CIT: variants seen among roughly 807,000 people sequenced by gnomAD.
CIT encodes the protein citron rho-interacting serine/threonine kinase, also known as citron Rho-interacting kinase.
Under a neutral mutation model 272.7 loss-of-function variants are expected in CIT, and 79 were observed. The ratio of observed to expected loss-of-function variants is 0.29; its 90% CI spans 0.24 to 0.35. The LOEUF (loss-of-function observed/expected upper bound fraction) is 0.35, where lower values mean the gene tolerates loss of function less well. Ranked by LOEUF, CIT falls within the 10% of genes least tolerant of loss-of-function variation. The probability of loss-of-function intolerance (pLI) is 1.00; values close to 1 mark genes in which losing one functional copy is unlikely to be tolerated. For missense variants in CIT, 1,909 were observed against 2,618.3 expected (o/e 0.73, Z 5.91); for synonymous variants, 948 against 995.6 (o/e 0.95, Z 0.90).
chr12:119,784,662 GGTGA>G lies in CIT; in HGVS notation c.1401+294_1401+297del. On this transcript the variant is annotated intron_variant, in intron 11 of 47. Transcript: ENST00000392521. The surrounding 1 kb of genome is among the most constrained non-coding windows in gnomAD (Gnocchi z 4.7). ...GCAGATGGGATGTATCTCAGCCACA[GGTGA>G]GGACCCAGGCCACCTGCCGGAAGAA... 7.8e-7 allele frequency: 1 copy of G among 1,279,036 alleles called. No individual in the cohort carries two copies. The highest frequency in any genetic ancestry group is 9.9e-7 in the Non-Finnish European group (1 of 1,009,074). 79.2% of individuals were successfully genotyped at this position (1,279,036 alleles called of 1,614,324 possible).
chr12:119,700,181 A>G (rs1211772405), intron 44 of CIT, among the ~76,000 whole-genome samples: 2 of 152,320 alleles, frequency 1.3e-5, no homozygotes, highest in East Asian at 3.9e-4. Flanking sequence ...GCTCCTTTCT[A>G]TCATGAGAGC....
intron 39 of CIT, among the ~76,000 whole-genome samples, chr12:119,708,780 G>T (rs944525368): frequency 6.6e-6 from 1 of 152,156 alleles, no homozygotes; most frequent in Non-Finnish European, 1.5e-5. Context: ...GAGCCACCAC[G>T]CCCGGCCCAA....
At chr12:119,876,875 C>A (rs144539262) in intron 1 of CIT, among the ~76,000 whole-genome samples, 1 of 152,082 alleles carries the variant, frequency 6.6e-6, no homozygotes, top group East Asian at 1.9e-4. Context: ...GGTATGAATA[C>A]GCTGAAACAG....
rs375400787 is a variant in CIT, at chr12:119,688,292, G to A, written c.6187-37C>T. The A allele has an allele frequency of 7.5e-6, 12 of 1,603,962 alleles. No homozygotes were observed. The African/African-American group carries it at 1.5e-4, about 20-fold the overall frequency. The stretch of plus-strand genomic sequence containing the variant: ...ATAAGGAGGAGTGTTAGCCATCCGA[G>A]GCCAGAAGTTGCTGTGCTCACCTTG... On this transcript the variant is annotated intron_variant, in intron 47 of 47. Transcript: ENST00000392521.
intron 21 of CIT, among the ~76,000 whole-genome samples, chr12:119,758,219 T>G (rs1593621537): frequency 6.6e-6 from 1 of 152,150 alleles, no homozygotes; most frequent in East Asian, 1.9e-4. Flanking sequence ...TTCCATAGGG[T>G]CTAACCTAGT....
Position 119,708,163 on chromosome 12 carries a change from T to G in CIT, c.5211+16A>C. ...TCCAGAACATTCCACCAGCTAGGAC[T>G]CTGAGGGGAGCTTACCTTGCCTGCC... On this transcript the variant is annotated intron_variant, in intron 40 of 47. Coordinates refer to ENST00000392521, the MANE Select transcript of CIT (RefSeq NM_001206999.2). 1 of 1,541,352 alleles carries G rather than the reference T, an allele frequency of 6.5e-7. No individual in the cohort carries two copies. The highest frequency in any genetic ancestry group is 8.8e-7 in the Non-Finnish European group (1 of 1,142,540).
At chr12:119,863,782 G>T (rs13313223) in intron 3 of CIT, among the ~76,000 whole-genome samples, 3 of 151,060 alleles carry the variant, frequency 2.0e-5, no homozygotes, top group Middle Eastern at 3.4e-3. Context: ...CACCTGCCTC[G>T]GCCTCCCAAA....
Position 119,770,765 on chromosome 12 carries a change from C to A in CIT, c.2208+20G>T, listed in dbSNP as rs747806220. ...TCTAACCTGTTATCTTTTAACTTTG[C>A]GACTTTCATTCCTGCTCACCAGAAT... On this transcript the variant is annotated intron_variant, in intron 18 of 47. Transcript: ENST00000392521. This position sits in a 1 kb window ranked among gnomAD's most constrained non-coding sequence, Gnocchi z 4.4. 2.5e-6 allele frequency: 4 copies of A among 1,612,504 alleles called. No individual in the cohort carries two copies. The highest frequency in any genetic ancestry group is 3.3e-5 in the Admixed American group (2 of 59,994).
rs147639126 is a variant in CIT, at chr12:119,749,357, T to C, written c.2904+2693A>G. Among the ~76,000 whole-genome samples the C allele has an allele frequency of 1.8e-3, 280 of 152,322 alleles. 1 individual carries two copies. Among genetic ancestry groups the C allele is most frequent in the African/African-American group, 6.5e-3 (272 of 41,564 alleles). On this transcript the variant is annotated intron_variant, in intron 23 of 47. Transcript: ENST00000392521. ...TCATTTGACTGATGCTTGTGCAGGG[T>C]CTCCACTCAGGTCTCAAACAATGAG...
rs1955611076 is a variant in CIT at position 119,686,908 on chromosome 12, T to A, written c.*1324A>T. ...GCGGCTGCTTTCTCAAACTTCCTGG[T>A]CTTAGGTCTAGCCCTAGGGAAAGGC... On this transcript the variant is annotated 3_prime_UTR_variant, in exon 48 of 48. Transcript: ENST00000392521. 3 of 152,832 alleles carry A rather than the reference T, an allele frequency of 2.0e-5. No individual in the cohort carries two copies. The South Asian group carries it at 6.2e-4, about 32-fold the overall frequency. 9.5% of individuals were successfully genotyped at this position (152,832 alleles called of 1,614,324 possible). A position where few individuals can be genotyped will look rare whatever the true frequency, so the allele number is the denominator to read the frequency against.
intron 3 of CIT, among the ~76,000 whole-genome samples, chr12:119,865,983 T>C (rs1386797624): frequency 6.6e-6 from 1 of 151,950 alleles, no homozygotes; most frequent in Admixed American, 6.6e-5. Context: ...ATTTTTTTTC[T>C]ACCCAGCATC....
rs1950841342 is a variant in CIT at position 119,876,243 on chromosome 12, TC to T, written c.-13-63del. ...TTTTGAGCAGGAAGGGCCTGAGAGATCCTGATCTCCCTCAAGATATCAGGGA... is the reference window on the plus strand; with the variant it reads ...TTTTGAGCAGGAAGGGCCTGAGAGATCTGATCTCCCTCAAGATATCAGGGA... On this transcript the variant is annotated intron_variant, in intron 1 of 47. Coordinates refer to ENST00000392521, the MANE Select transcript of CIT (RefSeq NM_001206999.2). 1.5e-5 allele frequency: 15 copies of T among 1,012,526 alleles called. 1 individual carries two copies. The South Asian group carries it at 2.1e-4, about 14-fold the overall frequency. The allele number at this position is 1,012,526 out of a possible 1,614,324, so 62.7% of individuals were successfully genotyped here. A position where few individuals can be genotyped will look rare whatever the true frequency, so the allele number is the denominator to read the frequency against.
intron 32 of CIT, among the ~76,000 whole-genome samples, chr12:119,717,419 CTTTTTTTT>C (rs60611060): frequency 1.8e-5 from 1 of 54,232 alleles, no homozygotes; most frequent in Non-Finnish European, 4.1e-5. Context: ...CTTTTCTTTT[CTTTTTTTT>C]TTTTTTTTTT....
At chr12:119,877,027 C>T (rs1231266077) in intron 1 of CIT, among the ~76,000 whole-genome samples, 1 of 152,222 alleles carries the variant, frequency 6.6e-6, no homozygotes, top group African/African-American at 2.4e-5. Context: ...GAGCAAGCCT[C>T]CTGCCCCAGC....
intron 4 of CIT, among the ~76,000 whole-genome samples, chr12:119,854,211 AG>A (rs1181664196): frequency 6.6e-6 from 1 of 151,694 alleles, no homozygotes; most frequent in Non-Finnish European, 1.5e-5. Context: ...TATTTTTAGT[AG>A]AGACAGGGTT....
Position 119,784,330 on chromosome 12 carries a change from C to T in CIT, c.1402-279G>A. ...CAAGGAAGCCACAATCATCATTTTT[C>T]ACCTGTTTGCTTTTGTTTTTGTTTT... On this transcript the variant is annotated intron_variant, in intron 11 of 47. Coordinates refer to ENST00000392521, the MANE Select transcript of CIT (RefSeq NM_001206999.2). This position sits in a 1 kb window ranked among gnomAD's most constrained non-coding sequence, Gnocchi z 4.7. 1 of 1,420,068 alleles carries T rather than the reference C, an allele frequency of 7.0e-7. No individual in the cohort carries two copies. The highest frequency in any genetic ancestry group is 1.2e-5 in the South Asian group (1 of 80,576). The allele number at this position is 1,420,068 out of a possible 1,614,324, so 88.0% of individuals were successfully genotyped here.
chr12:119,776,451 C>A (rs758900689), intron 14 of CIT, 43 bp from the exon 15 acceptor site: 1 of 1,559,492 alleles, frequency 6.4e-7, no homozygotes, highest in Non-Finnish European at 8.8e-7. Context: ...TCTCAACAAC[C>A]TAAAAAAGTC....
At position 119,690,311 on chromosome 12, in the gene CIT, C is replaced by T; in HGVS notation, c.6026G>A (p.Arg2009His). Residue 2009 changes from arginine to histidine, a missense_variant, in exon 47 of 48, where the codon CGC becomes CAC. Arg to His is a conservative substitution (Grantham distance 29). This residue lies in a region of CIT where 780 missense variants were observed against 1,067.2 expected (regional missense o/e 0.73). Transcript: ENST00000392521. This position sits in a 1 kb window ranked among gnomAD's most constrained non-coding sequence, Gnocchi z 6.0. ...HRYREGRTEL[R>H]RDKSPGRPLE... ...GGGGCGGCCAGGAGACTTGTCCCTG[C>T]GCAGCTCGGTCCGCCCCTCGCGGTA... is the stretch of plus-strand genomic sequence containing the variant. The T allele has an allele frequency of 2.5e-6, 4 of 1,594,342 alleles. No individual in the cohort carries two copies. The highest frequency in any genetic ancestry group is 1.1e-5 in the South Asian group (1 of 90,242).
chr12:119,737,618 T>A (rs1445584920), intron 24 of CIT, among the ~76,000 whole-genome samples: 1 of 152,172 alleles, frequency 6.6e-6, no homozygotes, highest in African/African-American at 2.4e-5. Context: ...CCCATTGGAA[T>A]AAGAAGGGTC....
Sources: allele counts gnomAD v4.1 joint callset (sites outside exome capture counted in the v4.1 genomes callset), GRCh38; gene constraint gnomAD v4.1.1; regional missense constraint gnomAD v4.1.1; non-coding constraint Gnocchi (gnomAD v3.1); transcripts MANE v1.5; gene names NCBI Gene and HGNC (gene_info 2026-07-23, HGNC 2026-07-21).